The following CTCF variants were observed in gnomAD, a reference collection of about 807,000 sequenced individuals.
CTCF encodes the protein transcriptional repressor CTCF.
In CTCF, 7 loss-of-function variants were observed where a neutral mutation model predicts 72.3. That is an observed-to-expected ratio of 0.10 (90% confidence interval 0.06 to 0.18). The LOEUF (loss-of-function observed/expected upper bound fraction) is 0.18, where lower values mean the gene tolerates loss of function less well. CTCF is among the 10% of genes least tolerant of loss of function. The probability of loss-of-function intolerance (pLI) is 1.00; values close to 1 mark genes in which losing one functional copy is unlikely to be tolerated. For synonymous variants in CTCF, 374 were observed against 315.8 expected (o/e 1.18, Z -1.95); for missense variants, 516 against 949.1 (o/e 0.54, Z 6.00).
intron 7 of CTCF, among the ~76,000 whole-genome samples, chr16:67,625,908 T>C (rs1283006845): frequency 6.6e-6 from 1 of 150,768 alleles, no homozygotes; most frequent in Non-Finnish European, 1.5e-5. Flanking sequence ...TACCTGGTTT[T>C]CCAGGCCTGA....
At chr16:67,592,443 T>A (rs2051757639) in intron 2 of CTCF, among the ~76,000 whole-genome samples, 1 of 151,352 alleles carries the variant, frequency 6.6e-6, no homozygotes, top group South Asian at 2.1e-4. Flanking sequence ...CAGTGGCTCA[T>A]GCCTGTAATC....
chr16:67,577,248 T>C (rs550373447), intron 2 of CTCF, among the ~76,000 whole-genome samples: 3 of 151,242 alleles, frequency 2.0e-5, no homozygotes, highest in Admixed American at 1.3e-4. Flanking sequence ...GAAACCCCGT[T>C]TCTACTAAAA....
At chr16:67,603,209 C>T (rs566739087) in intron 2 of CTCF, among the ~76,000 whole-genome samples, 7 of 151,690 alleles carry the variant, frequency 4.6e-5, no homozygotes, top group Non-Finnish European at 8.8e-5. Context: ...CTGGGCAACA[C>T]ACCTCTACAA....
rs2051291033 is a variant in CTCF at position 67,562,727 on chromosome 16, A to T, written c.-127+3A>T. ...GCCGCGGGGGGTGTGGCGCGGAGGT[A>T]AGGGGGCCCGGGGTGGAGGAGGTTT... is the stretch of plus-strand genomic sequence containing the variant. On this transcript the variant is annotated splice_donor_region_variant and intron_variant, in intron 1 of 11. Transcript: ENST00000264010. 3 of 148,920 alleles carry T rather than the reference A, an allele frequency of 2.0e-5. No individual in the cohort carries two copies. The highest frequency in any genetic ancestry group is 2.0e-4 in the Admixed American group (3 of 14,932). 9.2% of individuals were successfully genotyped at this position (148,920 alleles called of 1,614,324 possible). A position where few individuals can be genotyped will look rare whatever the true frequency, so the allele number is the denominator to read the frequency against.
At chr16:67,588,538 G>A (rs1445175011) in intron 2 of CTCF, among the ~76,000 whole-genome samples, 1 of 152,122 alleles carries the variant, frequency 6.6e-6, no homozygotes, top group Non-Finnish European at 1.5e-5. Context: ...GCTATGGAGA[G>A]CAGAGAGAGG....
At chr16:67,623,605 A>T (rs535914182) in intron 7 of CTCF, among the ~76,000 whole-genome samples, 3 of 151,506 alleles carry the variant, frequency 2.0e-5, no homozygotes, top group Non-Finnish European at 2.9e-5. Flanking sequence ...ACTGCACTCC[A>T]GCTTGGGTGA....
At chr16:67,587,123 T>G (rs2051679669) in intron 2 of CTCF, among the ~76,000 whole-genome samples, 2 of 129,020 alleles carry the variant, frequency 1.6e-5, no homozygotes, top group Admixed American at 7.8e-5. Flanking sequence ...TTTTTTTTTT[T>G]GGAGACAGGG....
At chr16:67,609,627 T>C (rs965532348) in intron 2 of CTCF, among the ~76,000 whole-genome samples, 6 of 150,012 alleles carry the variant, frequency 4.0e-5, no homozygotes, top group African/African-American at 9.8e-5. Flanking sequence ...GATAATTCTT[T>C]TTTTTTTTTT....
At chr16:67,624,988 G>A (rs1231053617) in intron 7 of CTCF, among the ~76,000 whole-genome samples, 4 of 151,954 alleles carry the variant, frequency 2.6e-5, no homozygotes, top group Admixed American at 6.6e-5. Flanking sequence ...AGAGTGGCGC[G>A]ATCTCGGCTC....
intron 2 of CTCF, among the ~76,000 whole-genome samples, chr16:67,606,760 T>G (rs1012547659): frequency 2.7e-5 from 4 of 148,880 alleles, no homozygotes; most frequent in Admixed American, 1.3e-4. Flanking sequence ...TTTTGGGTTT[T>G]TTTTTTTTTT....
intron 2 of CTCF, among the ~76,000 whole-genome samples, chr16:67,581,849 G>A (rs1255660235): frequency 1.3e-5 from 2 of 152,128 alleles, no homozygotes; most frequent in Non-Finnish European, 2.9e-5. Flanking sequence ...CATGTTGACT[G>A]GGCTGATGTT....
intron 10 of CTCF, 27 bp downstream of exon 10, chr16:67,629,560 T>TA (rs763142320): frequency 1.2e-6 from 2 of 1,610,214 alleles, no homozygotes; most frequent in East Asian, 4.5e-5. Flanking sequence ...TTGATTTGCT[T>TA]ACTATGGCAG....
intron 2 of CTCF, among the ~76,000 whole-genome samples, chr16:67,583,637 A>G (rs892567701): frequency 2.6e-5 from 4 of 151,962 alleles, no homozygotes; most frequent in African/African-American, 9.7e-5. Flanking sequence ...CCGTGAGCCA[A>G]GATTGCTCCA....
chr16:67,624,480 T>A (rs1356633450), intron 7 of CTCF, among the ~76,000 whole-genome samples: 1 of 152,226 alleles, frequency 6.6e-6, no homozygotes, highest in African/African-American at 2.4e-5. Flanking sequence ...CTTTCTTCCC[T>A]TGGCCTCTGT....
intron 2 of CTCF, among the ~76,000 whole-genome samples, chr16:67,584,528 A>G (rs926421187): frequency 8.6e-5 from 13 of 151,576 alleles, no homozygotes; most frequent in African/African-American, 2.4e-4. Context: ...GGGTTTCACC[A>G]TCTTGGCCAG....
At chr16:67,610,274 C>A (rs2052042880) in intron 2 of CTCF, among the ~76,000 whole-genome samples, 2 of 151,404 alleles carry the variant, frequency 1.3e-5, no homozygotes. Context: ...TGGGTTGGAT[C>A]TAGAGACTTG....
intron 2 of CTCF, among the ~76,000 whole-genome samples, chr16:67,605,375 G>A (rs1015566202): frequency 4.7e-4 from 71 of 152,228 alleles, no homozygotes; most frequent in Middle Eastern, 3.4e-3. Flanking sequence ...CACCTTCTGC[G>A]GTAACATTTT....
intron 1 of CTCF, among the ~76,000 whole-genome samples, chr16:67,567,068 G>C (rs139441297): frequency 1.3e-5 from 2 of 151,602 alleles, no homozygotes; most frequent in Non-Finnish European, 2.9e-5. Context: ...TCTCAAACTC[G>C]TGGCCTCAAG....
At chr16:67,602,862 G>T (rs1050370560) in intron 2 of CTCF, among the ~76,000 whole-genome samples, 1 of 139,778 alleles carries the variant, frequency 7.2e-6, no homozygotes, top group East Asian at 2.0e-4. Flanking sequence ...AAAAAAAAAA[G>T]AGAAGAAAAT....
Sources: allele counts gnomAD v4.1 joint callset (sites outside exome capture counted in the v4.1 genomes callset), GRCh38; gene constraint gnomAD v4.1.1; transcripts MANE v1.5; gene names NCBI Gene and HGNC (gene_info 2026-07-23, HGNC 2026-07-21).